The following ABCA1 variants were observed in gnomAD, a reference collection of about 807,000 sequenced individuals.
The protein encoded by ABCA1 is ATP binding cassette subfamily A member 1.
Under a neutral mutation model 262.5 loss-of-function variants are expected in ABCA1, and 133 were observed. The ratio of observed to expected loss-of-function variants is 0.51; its 90% CI spans 0.44 to 0.59. The LOEUF (loss-of-function observed/expected upper bound fraction) is 0.59, where lower values mean the gene tolerates loss of function less well. Ranked by LOEUF, ABCA1 falls within the 20% of genes least tolerant of loss-of-function variation. The probability of loss-of-function intolerance (pLI) is 0.00; values close to 1 mark genes in which losing one functional copy is unlikely to be tolerated. For missense variants in ABCA1, 2,452 were observed against 2,777.5 expected (o/e 0.88, Z 2.63); for synonymous variants, 1,022 against 1,043.5 (o/e 0.98, Z 0.40).
chr9:104,837,992 A>G (rs1299533920), intron 9 of ABCA1, among the ~76,000 whole-genome samples: 1 of 152,188 alleles, frequency 6.6e-6, no homozygotes, highest in Non-Finnish European at 1.5e-5. Flanking sequence ...CTTGAGGGGC[A>G]ACCAGAAGGC....
chr9:104,831,872 A>G, intron 12 of ABCA1, 45 bp from the exon 13 acceptor site: 12 of 1,574,684 alleles, frequency 7.6e-6, no homozygotes, highest in Non-Finnish European at 1.0e-5. Context: ...AGCCAGGACA[A>G]CAAGCAGTGG....
intron 1 of ABCA1, among the ~76,000 whole-genome samples, chr9:104,921,448 C>T (rs1461465938): frequency 6.6e-6 from 1 of 152,188 alleles, no homozygotes; most frequent in Non-Finnish European, 1.5e-5. Flanking sequence ...ATATACAACT[C>T]AAAGTACTTG....
intron 5 of ABCA1, among the ~76,000 whole-genome samples, chr9:104,862,108 T>C (rs2487061): frequency 0.13 from 20,345 of 151,520 alleles, 1,570 homozygotes; most frequent in African/African-American, 0.2. Context: ...CTTTTCTTTT[T>C]TTTTTTTTAT....
chr9:104,839,483 T>G (rs1834169474), intron 9 of ABCA1, among the ~76,000 whole-genome samples: 1 of 152,206 alleles, frequency 6.6e-6, no homozygotes, highest in Admixed American at 6.5e-5. Context: ...TTAAACAGAA[T>G]GCACAGTGCA....
Position 104,824,933 on chromosome 9 carries a change from A to C in ABCA1, c.2543-355T>G, listed in dbSNP as rs563928335. ...CATATTCAATGAAAGAAGTTCAGGCAGGAGTAATAAATATTTCATGTATAC... is the reference window on the plus strand; with the variant it reads ...CATATTCAATGAAAGAAGTTCAGGCCGGAGTAATAAATATTTCATGTATAC... On this transcript the variant is annotated intron_variant, in intron 17 of 49. Transcript: ENST00000374736. 3.3e-5 allele frequency among the ~76,000 whole-genome samples: 5 copies of C among 152,376 alleles called. 1 individual carries two copies. In the East Asian group the frequency reaches 9.6e-4, roughly 29 times the overall value.
intron 2 of ABCA1, among the ~76,000 whole-genome samples, chr9:104,890,822 T>C (rs907066982): frequency 3.3e-5 from 5 of 151,922 alleles, no homozygotes; most frequent in African/African-American, 1.2e-4. Context: ...AATTTGAAAA[T>C]AAAAAAATAC....
Position 104,821,375 on chromosome 9 carries a change from A to G in ABCA1, c.2960T>C (p.Met987Thr). ...VCPQHNVLFD[M>T]LTVEEHIWFY... ...TTCTTAACGTGCTGCTGGTACTCAC[A>G]TGTCAAACAGCACGTTATGCTGGGG... Residue 987 changes from methionine to threonine, a missense_variant and splice_region_variant, in exon 20 of 50, where the codon ATG (methionine) becomes ACG (threonine). By Grantham distance (81) the Met-to-Thr change is moderately conservative. This residue lies in a region of ABCA1 where 665 missense variants were observed against 727.3 expected (regional missense o/e 0.91). Coordinates refer to ENST00000374736, the MANE Select transcript of ABCA1 (RefSeq NM_005502.4). 1 of 1,614,118 alleles carries G rather than the reference A, an allele frequency of 6.2e-7. No individual in the cohort carries two copies. Among genetic ancestry groups the G allele is most frequent in the Non-Finnish European group, 8.5e-7 (1 of 1,180,024 alleles).
intron 37 of ABCA1, among the ~76,000 whole-genome samples, chr9:104,797,552 T>C (rs1312374484): frequency 7.8e-6 from 1 of 128,456 alleles, no homozygotes; most frequent in African/African-American, 2.4e-5. Context: ...ACAAGGTTAA[T>C]TCTTGGCTTT....
Position 104,809,491 on chromosome 9 carries a change from G to A in ABCA1, c.4249C>T (p.Arg1417Cys), listed in dbSNP as rs749089795. The A allele has an allele frequency of 2.0e-5, 32 of 1,614,074 alleles. No homozygotes were observed. Among genetic ancestry groups the A allele is most frequent in the South Asian group, 4.4e-5 (4 of 91,082 alleles). ...GGGATTGGGTTTCCTTCCATACAGC[G>A]GGTCCCGAAGCCAGGGTCTTTGGTG... ...ALTKDPGFGT[R>C]CMEGNPIPDT... Residue 1417 changes from arginine to cysteine, a missense_variant, in exon 30 of 50, where the codon CGC becomes TGC. Arg to Cys is a radical substitution (Grantham distance 180). Around this residue, in one of 4 missense-constraint regions of ABCA1, gnomAD observed 665 missense variants for 727.3 expected, o/e 0.91. Coordinates refer to ENST00000374736, the MANE Select transcript of ABCA1 (RefSeq NM_005502.4).
chr9:104,853,672 G>A (rs562942184), intron 7 of ABCA1, among the ~76,000 whole-genome samples: 177 of 152,234 alleles, frequency 1.2e-3, no homozygotes, highest in Non-Finnish European at 1.9e-3. Flanking sequence ...GTTCAGAGAT[G>A]TTCTCCTCCC....
At chr9:104,909,209 C>T (rs1262842759) in intron 1 of ABCA1, among the ~76,000 whole-genome samples, 1 of 152,180 alleles carries the variant, frequency 6.6e-6, no homozygotes, top group Non-Finnish European at 1.5e-5. Context: ...TGAGCCACAA[C>T]AAATATTTAT....
rs552288524 is a variant in ABCA1, at chr9:104,799,435, C to G, written c.4943+384G>C. 1,544 of 974,726 alleles carry G rather than the reference C, an allele frequency of 1.6e-3. 9 individuals are homozygous for G. Among genetic ancestry groups the G allele is most frequent in the African/African-American group, 0.012 (644 of 55,498 alleles). The allele number at this position is 974,726 out of a possible 1,614,324, so 60.4% of individuals were successfully genotyped here. On this transcript the variant is annotated intron_variant, in intron 36 of 49. Transcript: ENST00000374736. The stretch of plus-strand genomic sequence containing the variant: ...ACACACACACACACACACACACACA[C>G]AGCTTAATTTAGGAATTAAAGATAC...
intron 6 of ABCA1, among the ~76,000 whole-genome samples, chr9:104,859,950 G>A (rs1027121448): frequency 2.0e-5 from 3 of 151,508 alleles, no homozygotes; most frequent in Admixed American, 1.3e-4. Context: ...AGCTACTCAG[G>A]AGGCTGAAGC....
chr9:104,819,465 G>A, intron 22 of ABCA1, 121 bp downstream of exon 22: 4 of 1,396,520 alleles, frequency 2.9e-6, no homozygotes, highest in Non-Finnish European at 4.0e-6. Flanking sequence ...TATCTCTTCT[G>A]TGATAACAGA....
At chr9:104,859,444 G>A (rs930986462) in intron 6 of ABCA1, among the ~76,000 whole-genome samples, 2 of 144,406 alleles carry the variant, frequency 1.4e-5, no homozygotes, top group East Asian at 3.8e-4. Flanking sequence ...TGCATCCACA[G>A]TGCTGAAACA....
At position 104,870,209 on chromosome 9, in the gene ABCA1, T is replaced by C. The variant is rs192668993; in HGVS notation, c.422-8409A>G. The stretch of plus-strand genomic sequence containing the variant: ...TTTTACAAATAATATAAACTTGTAT[T>C]AGTTCAACAAACTTCTGAATGGCTA... On this transcript the variant is annotated intron_variant, in intron 5 of 49. Coordinates refer to ENST00000374736, the MANE Select transcript of ABCA1 (RefSeq NM_005502.4). Among the ~76,000 whole-genome samples the C allele has an allele frequency of 2.0e-5, 3 of 152,336 alleles. No homozygotes were observed. In the East Asian group the frequency reaches 5.8e-4, roughly 29 times the overall value.
chr9:104,880,049 T>G (rs558600447), intron 5 of ABCA1, among the ~76,000 whole-genome samples: 1 of 152,310 alleles, frequency 6.6e-6, no homozygotes, highest in East Asian at 1.9e-4. Flanking sequence ...GGGTGGTGAA[T>G]ATTTTCTAAC....
intron 12 of ABCA1, among the ~76,000 whole-genome samples, chr9:104,832,348 A>C (rs1833415535): frequency 6.6e-6 from 1 of 152,266 alleles, no homozygotes; most frequent in Non-Finnish European, 1.5e-5. Context: ...ATATAGAATA[A>C]GCTAGAGTTA....
intron 1 of ABCA1, among the ~76,000 whole-genome samples, chr9:104,904,634 T>C (rs1014495609): frequency 2.0e-5 from 3 of 150,770 alleles, no homozygotes; most frequent in Non-Finnish European, 4.4e-5. Context: ...GTGCCTTAGA[T>C]GAGTGTGAGT....
Sources: allele counts gnomAD v4.1 joint callset (sites outside exome capture counted in the v4.1 genomes callset), GRCh38; gene constraint gnomAD v4.1.1; regional missense constraint gnomAD v4.1.1; transcripts MANE v1.5; gene names NCBI Gene and HGNC (gene_info 2026-07-23, HGNC 2026-07-21).